The following UNC80 variants were observed in gnomAD, a reference collection of about 807,000 sequenced individuals.
UNC80 encodes protein unc-80 homolog.
Under a neutral mutation model 384.6 loss-of-function variants are expected in UNC80, and 164 were observed. That is an observed-to-expected ratio of 0.43 (90% CI 0.38 to 0.49). The LOEUF is 0.49. Among genes scored for constraint, UNC80 ranks in the 20% least tolerant of loss-of-function variants. The probability of loss-of-function intolerance (pLI) is 0.00; values close to 1 mark genes in which losing one functional copy is unlikely to be tolerated. For missense variants in UNC80, 3,330 were observed against 4,143.0 expected (o/e 0.80, Z 5.39); for synonymous variants, 1,486 against 1,527.8 (o/e 0.97, Z 0.64).
intron 47 of UNC80, among the ~76,000 whole-genome samples, chr2:209,947,292 A>G (rs765736695): frequency 1.3e-5 from 2 of 152,236 alleles, no homozygotes; most frequent in Non-Finnish European, 2.9e-5. Context: ...GATATGTCAG[A>G]TATTCTGCAA....
At chr2:209,799,744 C>T (rs1278053891) in intron 7 of UNC80, among the ~76,000 whole-genome samples, 1 of 152,126 alleles carries the variant, frequency 6.6e-6, no homozygotes, top group Admixed American at 6.6e-5. Context: ...AGATATGTTC[C>T]ATCATTACCT....
chr2:209,982,562 A>T (rs957604341), intron 60 of UNC80: 1 of 357,298 alleles, frequency 2.8e-6, no homozygotes, highest in Non-Finnish European at 5.0e-6. Context: ...TTTTCCATAG[A>T]CACATGGTCT....
chr2:209,898,926 C>A (rs1574937513), intron 28 of UNC80, among the ~76,000 whole-genome samples: 1 of 152,152 alleles, frequency 6.6e-6, no homozygotes, highest in African/African-American at 2.4e-5. Flanking sequence ...CCAGTTCTAT[C>A]CATGTTGTTG....
chr2:209,976,955 C>G lies in UNC80; in HGVS notation c.8815C>G (p.Arg2939Gly). 6.5e-7 allele frequency: 1 copy of G among 1,529,400 alleles called. No homozygotes were observed. The allele number at this position is 1,529,400 out of a possible 1,614,324, so 94.7% of individuals were successfully genotyped here. Residue 2939 changes from arginine (R) to glycine (G), a missense_variant, in exon 58 of 65, where the codon CGG (arginine) becomes GGG (glycine). Physicochemically the swap from Arg to Gly is moderately radical, Grantham distance 125 (BLOSUM62 -2). Transcript: ENST00000673920. The surrounding 1 kb of genome is among the most constrained non-coding windows in gnomAD (Gnocchi z 4.3). Reference sequence around the variant, plus strand: ...AGAGAATCATGAAGAGCTTTCCGCCCGGCAACATATTGCCGACCAGCTGGA... The same window carrying G: ...AGAGAATCATGAAGAGCTTTCCGCCGGGCAACATATTGCCGACCAGCTGGA... ...PAENHEELSA[R>G]QHIADQLERR...
In UNC80 at chr2:209,867,058, C is replaced by G. The variant is rs75855010; in HGVS notation, c.3628-5700C>G. ...TTGTGTTGGGAATGTTCCAAATCTT[C>G]TCTTCTAGTTATTTTGAAATATAAT... is the stretch of plus-strand genomic sequence containing the variant. On this transcript the variant is annotated intron_variant, in intron 22 of 64. Transcript: ENST00000673920. Among the ~76,000 whole-genome samples the G allele has an allele frequency of 1.5e-3, 235 of 152,324 alleles. 3 individuals carry two copies. In the East Asian group the frequency reaches 0.033, roughly 21 times the overall value.
intron 29 of UNC80, among the ~76,000 whole-genome samples, chr2:209,907,566 A>T (rs1279535015): frequency 6.6e-6 from 1 of 152,174 alleles, no homozygotes; most frequent in Non-Finnish European, 1.5e-5. Flanking sequence ...CCAACCAGCG[A>T]GAAGAGGTGA....
At chr2:209,908,761 G>A (rs1574974829) in intron 29 of UNC80, among the ~76,000 whole-genome samples, 1 of 152,184 alleles carries the variant, frequency 6.6e-6, no homozygotes, top group East Asian at 1.9e-4. Flanking sequence ...GTAAGGCCAA[G>A]ACCAGGCCCT....
chr2:209,903,556 T>TATATACTATATATAGTATATATGTA (rs2087757348), intron 28 of UNC80, among the ~76,000 whole-genome samples: 1 of 41,196 alleles, frequency 2.4e-5, no homozygotes, highest in Non-Finnish European at 4.0e-5. Context: ...ATATGTAATA[T>TATATACTATATATAGTATATATGTA]ATATATACTA....
At chr2:209,938,708 CTCTGTGTGTGTGTG>C (rs2091421194) in intron 42 of UNC80, among the ~76,000 whole-genome samples, 1 of 138,230 alleles carries the variant, frequency 7.2e-6, no homozygotes, top group Non-Finnish European at 1.5e-5. Flanking sequence ...CTCTCTCTCT[CTCTGTGTGTGTGTG>C]TGTGTGTGTG....
In UNC80 at chr2:209,815,509, C is replaced by A. The variant is rs368878916; in HGVS notation, c.1335+118C>A. On this transcript the variant is annotated intron_variant, in intron 9 of 64. Transcript: ENST00000673920. ...GAGGTGGGAAAGGGAACTTAGAAAC[C>A]GAAGTCAGCTCCTAGATGTGACACT... 121 of 1,084,074 alleles carry A rather than the reference C, an allele frequency of 1.1e-4. No homozygotes were observed. In the African/African-American group the frequency reaches 1.7e-3, roughly 16 times the overall value. The allele number at this position is 1,084,074 out of a possible 1,614,324, so 67.2% of individuals were successfully genotyped here. A position where few individuals can be genotyped will look rare whatever the true frequency, so the allele number is the denominator to read the frequency against.
chr2:209,948,214 A>G (rs886387762), intron 47 of UNC80, among the ~76,000 whole-genome samples: 1 of 152,174 alleles, frequency 6.6e-6, no homozygotes, highest in Non-Finnish European at 1.5e-5. Flanking sequence ...GGGCTAAGTC[A>G]TGGACTATGA....
At chr2:209,877,862 T>G in intron 23 of UNC80, 92 bp from the exon 24 acceptor site, 1 of 1,325,956 alleles carries the variant, frequency 7.5e-7, no homozygotes, top group Non-Finnish European at 9.9e-7. Flanking sequence ...ATAATTCTCA[T>G]TAATTGGTTG....
intron 4 of UNC80, among the ~76,000 whole-genome samples, chr2:209,780,233 A>G (rs578255522): frequency 1.6e-4 from 25 of 152,350 alleles, no homozygotes; most frequent in African/African-American, 6.0e-4. Flanking sequence ...TGGCTTGGGA[A>G]TGGAGCATTT....
rs867066739 is a variant in UNC80, at chr2:209,955,732, T to C, written c.7457+1462T>C. Among the ~76,000 whole-genome samples, 22 of 63,824 alleles carry C rather than the reference T, an allele frequency of 3.4e-4. 1 individual carries two copies. Among genetic ancestry groups the C allele is most frequent in the South Asian group, 1.1e-3 (2 of 1,812 alleles). 41.9% of individuals were successfully genotyped at this position (63,824 alleles called of 152,430 possible). A position where few individuals can be genotyped will look rare whatever the true frequency, so the allele number is the denominator to read the frequency against. ...ATATATATATATATATATATATATA[T>C]ATATATACACACACACACACACACA... On this transcript the variant is annotated intron_variant, in intron 48 of 64. Coordinates refer to ENST00000673920, the MANE Select transcript of UNC80 (RefSeq NM_001371986.1).
At chr2:209,896,507 C>A in intron 28 of UNC80, 94 bp downstream of exon 28, 3 of 1,017,622 alleles carry the variant, frequency 2.9e-6, no homozygotes, top group South Asian at 1.4e-5. Flanking sequence ...ACTAAATCAT[C>A]AATCCGATCT....
At chr2:209,925,347 G>A (rs1056260723) in intron 35 of UNC80, among the ~76,000 whole-genome samples, 4 of 152,110 alleles carry the variant, frequency 2.6e-5, no homozygotes, top group East Asian at 1.9e-4. Context: ...TCTTGGTCTC[G>A]CTGACTTCAA....
At chr2:209,934,230 G>T (rs539808811) in intron 39 of UNC80, among the ~76,000 whole-genome samples, 3 of 152,262 alleles carry the variant, frequency 2.0e-5, no homozygotes, top group East Asian at 3.9e-4. Flanking sequence ...ACTGAGATCC[G>T]CATGAATCAG....
chr2:209,911,018 G>A (rs2088873043), intron 29 of UNC80, among the ~76,000 whole-genome samples: 1 of 151,996 alleles, frequency 6.6e-6, no homozygotes, highest in African/African-American at 2.4e-5. Context: ...CCCTAGACTG[G>A]GTAATTTATA....
chr2:209,864,480 G>C (rs573133101), intron 22 of UNC80, among the ~76,000 whole-genome samples: 1 of 152,160 alleles, frequency 6.6e-6, no homozygotes, highest in Non-Finnish European at 1.5e-5. Context: ...CTGCTGGCCC[G>C]AAGAAGAGAC....
Sources: allele counts gnomAD v4.1 joint callset (sites outside exome capture counted in the v4.1 genomes callset), GRCh38; gene constraint gnomAD v4.1.1; non-coding constraint Gnocchi (gnomAD v3.1); transcripts MANE v1.5; gene names NCBI Gene and HGNC (gene_info 2026-07-23, HGNC 2026-07-21).